Variants in DLG2 observed in about 807,000 individuals in gnomAD.
The protein encoded by DLG2 is discs large MAGUK scaffold protein 2, also known as disks large homolog 2.
Under a neutral mutation model 132.5 loss-of-function variants are expected in DLG2, and 45 were observed. That is an observed-to-expected ratio of 0.34 (90% CI 0.27 to 0.44). DLG2 has a LOEUF of 0.44. Among genes scored for constraint, DLG2 ranks in the 20% least tolerant of loss-of-function variants. The pLI, the probability that DLG2 is intolerant of heterozygous loss-of-function variation, is 1.00. For synonymous variants in DLG2, 424 were observed against 419.6 expected (o/e 1.01, Z -0.13); for missense variants, 1,045 against 1,196.9 (o/e 0.87, Z 1.87).
chr11:84,051,800 C>T (rs777009463), intron 11 of DLG2, among the ~76,000 whole-genome samples: 1 of 150,986 alleles, frequency 6.6e-6, no homozygotes, highest in Admixed American at 6.6e-5. Context: ...AAAAAGAAGA[C>T]AGGAACACCA....
At chr11:84,344,411 A>G (rs545453768) in intron 7 of DLG2, among the ~76,000 whole-genome samples, 3 of 152,302 alleles carry the variant, frequency 2.0e-5, no homozygotes, top group Non-Finnish European at 2.9e-5. Flanking sequence ...ACTACATACT[A>G]TCTACTATTA....
chr11:84,190,443 C>A (rs1051941303), intron 8 of DLG2, among the ~76,000 whole-genome samples: 3 of 152,126 alleles, frequency 2.0e-5, no homozygotes, highest in African/African-American at 7.2e-5. Flanking sequence ...ATTACTGGGT[C>A]TTTTTCCCCC....
intron 3 of DLG2, among the ~76,000 whole-genome samples, chr11:85,394,096 T>C (rs758867986): frequency 1.3e-5 from 2 of 152,196 alleles, no homozygotes; most frequent in Admixed American, 6.6e-5. Context: ...AAAGAATCTA[T>C]ATATCAGCAG....
At chr11:85,074,642 A>C (rs349065) in intron 6 of DLG2, among the ~76,000 whole-genome samples, 1,722 of 151,948 alleles carry the variant, frequency 0.011, 114 homozygotes, top group Admixed American at 0.1. Context: ...CTCTTAAGGA[A>C]AAGAGAATCA....
In DLG2 at chr11:84,811,758, G is replaced by C. The variant is rs143315333; in HGVS notation, c.358-277027C>G. ...TGTACTGCATGCCTACTCTGTGATA[G>C]AAACTATGCTAGGCCATAGATATTC... On this transcript the variant is annotated intron_variant, in intron 6 of 27. Coordinates refer to ENST00000376104, the MANE Select transcript of DLG2 (RefSeq NM_001142699.3). 4.9e-4 allele frequency among the ~76,000 whole-genome samples: 75 copies of C among 152,170 alleles called. No homozygotes were observed. In the East Asian group the frequency reaches 5.6e-3, roughly 11 times the overall value.
At chr11:84,086,583 G>A (rs190634744) in intron 10 of DLG2, among the ~76,000 whole-genome samples, 195 of 150,420 alleles carry the variant, frequency 1.3e-3, no homozygotes, top group Non-Finnish European at 2.5e-3. Context: ...TTAACCTCCT[G>A]GGCTCAAGCG....
chr11:84,271,710 CACAA>C (rs1424809950), intron 7 of DLG2, among the ~76,000 whole-genome samples: 1 of 152,112 alleles, frequency 6.6e-6, no homozygotes, highest in East Asian at 1.9e-4. Flanking sequence ...ACAACAACAA[CACAA>C]ACAAATAAAT....
At chr11:85,091,173 ACATT>A (rs1243964178) in intron 6 of DLG2, among the ~76,000 whole-genome samples, 1 of 152,218 alleles carries the variant, frequency 6.6e-6, no homozygotes, top group Non-Finnish European at 1.5e-5. Context: ...CGGGAGATAA[ACATT>A]CAAACTATGC....
intron 5 of DLG2, among the ~76,000 whole-genome samples, chr11:85,126,662 T>A (rs910983023): frequency 6.6e-6 from 1 of 152,260 alleles, no homozygotes; most frequent in East Asian, 1.9e-4. Flanking sequence ...ACATGCCACC[T>A]TGCAGACATT....
intron 6 of DLG2, among the ~76,000 whole-genome samples, chr11:85,090,812 T>C (rs1448723302): frequency 6.6e-6 from 1 of 152,224 alleles, no homozygotes; most frequent in African/African-American, 2.4e-5. Flanking sequence ...GTTACAAAGA[T>C]ACCTGACACT....
At chr11:83,829,921 G>T (rs149471310) in intron 17 of DLG2, among the ~76,000 whole-genome samples, 107 of 152,006 alleles carry the variant, frequency 7.0e-4, no homozygotes, top group Non-Finnish European at 1.5e-3. Flanking sequence ...GACAGGCCCC[G>T]GTGTGTGATG....
intron 16 of DLG2, among the ~76,000 whole-genome samples, chr11:83,859,141 G>A (rs1398300901): frequency 6.6e-6 from 1 of 152,176 alleles, no homozygotes; most frequent in Non-Finnish European, 1.5e-5. Context: ...GTCTTTATAA[G>A]CTGCATGAAA....
At chr11:84,386,638 T>C (rs1212089103) in intron 7 of DLG2, among the ~76,000 whole-genome samples, 1 of 152,150 alleles carries the variant, frequency 6.6e-6, no homozygotes. Context: ...CATATTATAA[T>C]TGTTTTGTAA....
intron 3 of DLG2, among the ~76,000 whole-genome samples, chr11:85,496,894 G>A (rs1197085240): frequency 2.6e-5 from 4 of 152,064 alleles, no homozygotes; most frequent in African/African-American, 9.7e-5. Flanking sequence ...TCAACAAAAA[G>A]GACGTCCACT....
intron 8 of DLG2, among the ~76,000 whole-genome samples, chr11:84,187,269 TG>T (rs1422649854): frequency 1.3e-5 from 2 of 151,956 alleles, no homozygotes; most frequent in African/African-American, 4.8e-5. Context: ...TATTCATTAA[TG>T]TCATGATACT....
intron 6 of DLG2, among the ~76,000 whole-genome samples, chr11:84,750,770 T>A (rs530089859): frequency 4.8e-4 from 73 of 152,250 alleles, no homozygotes; most frequent in African/African-American, 1.5e-3. Flanking sequence ...GTCAAGGATT[T>A]CAAATCACAT....
chr11:83,762,366 A>C (rs1045700966), intron 18 of DLG2, among the ~76,000 whole-genome samples: 2 of 152,224 alleles, frequency 1.3e-5, no homozygotes, highest in African/African-American at 4.8e-5. Flanking sequence ...CAGGTGGACC[A>C]TTCTATTCAA....
intron 18 of DLG2, among the ~76,000 whole-genome samples, chr11:83,639,342 A>G (rs917585279): frequency 6.6e-6 from 1 of 152,160 alleles, no homozygotes; most frequent in African/African-American, 2.4e-5. Flanking sequence ...ATAGTATTCC[A>G]TGGTGTATAT....
intron 7 of DLG2, among the ~76,000 whole-genome samples, chr11:84,272,959 A>C (rs932221687): frequency 3.3e-5 from 5 of 152,162 alleles, no homozygotes; most frequent in Non-Finnish European, 7.4e-5. Context: ...TCACCGATTA[A>C]TGCTTGGACA....
Sources: allele counts gnomAD v4.1 joint callset (sites outside exome capture counted in the v4.1 genomes callset), GRCh38; gene constraint gnomAD v4.1.1; transcripts MANE v1.5; gene names NCBI Gene and HGNC (gene_info 2026-07-23, HGNC 2026-07-21).